PCDH12: variants seen among roughly 807,000 people sequenced by gnomAD.
PCDH12 encodes protocadherin-12.
In PCDH12, 45 loss-of-function variants were observed where a neutral mutation model predicts 70.9. The observed-to-expected ratio is 0.63, with a 90% CI of 0.50 to 0.81. The LOEUF (loss-of-function observed/expected upper bound fraction) is 0.81. Among genes scored for constraint, PCDH12 ranks in the 40% least tolerant of loss-of-function variants. The pLI, the probability that PCDH12 is intolerant of heterozygous loss-of-function variation, is 0.00. For synonymous variants in PCDH12, 567 were observed against 626.0 expected (o/e 0.91, Z 1.41); for missense variants, 1,370 against 1,491.7 (o/e 0.92, Z 1.34).
rs781645827 is a variant in PCDH12, at chr5:141,957,462, G to A, written c.390C>T (p.Asp130=). ...CGCCTTTGGGAAACCGTGGCTGGTGGTCATTGATGTCCAGCACTTGGATCT... is the reference window on the plus strand; with the variant it reads ...CGCCTTTGGGAAACCGTGGCTGGTGATCATTGATGTCCAGCACTTGGATCT... ...HVEIQVLDIN[D]HQPRFPKGEQ... The change falls in exon 1 of 4, where the codon GAC becomes GAT. Residue 130 remains aspartate (D), a synonymous_variant. Coordinates refer to ENST00000231484, the MANE Select transcript of PCDH12 (RefSeq NM_016580.4). The surrounding 1 kb of genome is among the most constrained non-coding windows in gnomAD (Gnocchi z 4.3). The A allele has an allele frequency of 3.7e-6, 6 of 1,612,534 alleles. No individual in the cohort carries two copies. Among genetic ancestry groups the A allele is most frequent in the Non-Finnish European group, 5.1e-6 (6 of 1,179,324 alleles).
chr5:141,947,450 C>T (rs535382399), intron 3 of PCDH12, among the ~76,000 whole-genome samples: 4 of 152,246 alleles, frequency 2.6e-5, no homozygotes, highest in African/African-American at 4.8e-5. Flanking sequence ...ATCACTGGGG[C>T]GTATGAGAAC....
Position 141,956,049 on chromosome 5 carries a change from C to T in PCDH12, c.1803G>A (p.Ala601=), listed in dbSNP as rs769053658. The T allele has an allele frequency of 1.9e-5, 30 of 1,613,956 alleles. No individual in the cohort carries two copies. The highest frequency in any genetic ancestry group is 1.3e-4 in the East Asian group (6 of 44,888). ...TGGCCAGTGGAGGTGTGTCAGTGCC[C>T]GCTGGGCCCAAGCCATTGGGAGTCT... is the stretch of plus-strand genomic sequence containing the variant. ...PIETPNGLGP[A]GTDTPPLATH... is the part of the protein sequence containing the mutation. Residue 601 remains alanine, a synonymous_variant, in exon 1 of 4, where the codon GCG becomes GCA. Coordinates refer to ENST00000231484, the MANE Select transcript of PCDH12 (RefSeq NM_016580.4).
intron 2 of PCDH12, among the ~76,000 whole-genome samples, chr5:141,951,004 A>G (rs1753070029): frequency 6.6e-6 from 1 of 152,218 alleles, no homozygotes; most frequent in Admixed American, 6.5e-5. Flanking sequence ...CAAGCTACTC[A>G]GAGCCTCAGT....
intron 1 of PCDH12, among the ~76,000 whole-genome samples, chr5:141,953,971 A>G (rs530519687): frequency 6.6e-6 from 1 of 152,360 alleles, no homozygotes; most frequent in African/African-American, 2.4e-5. Context: ...GTGTGAGATC[A>G]GGCATCATCC....
chr5:141,945,257 G>T lies in PCDH12; in HGVS notation c.*124C>A. On this transcript the variant is annotated 3_prime_UTR_variant, in exon 4 of 4. Coordinates refer to ENST00000231484, the MANE Select transcript of PCDH12 (RefSeq NM_016580.4). ...GGCTCTTGCCTCCTCTGTGGGGGTA[G>T]CATCAGTCACCCTAAAGTTCTCAGG... The T allele has an allele frequency of 8.6e-7, 1 of 1,165,044 alleles. No homozygotes were observed. 72.2% of individuals were successfully genotyped at this position (1,165,044 alleles called of 1,614,324 possible). A position where few individuals can be genotyped will look rare whatever the true frequency, so the allele number is the denominator to read the frequency against.
Position 141,956,620 on chromosome 5 carries a change from A to C in PCDH12, c.1232T>G (p.Met411Arg). ...RLKRTNGNTY[M>R]LLTNATLDRE... ...GTCCAGTGTGGCATTGGTTAGCAAC[A>C]TGTATGTGTTGCCATTAGTTCTTTT... The change falls in exon 1 of 4, where the codon ATG (methionine) becomes AGG (arginine). Residue 411 changes from methionine (M) to arginine (R), a missense_variant. Met to Arg is a moderately conservative substitution (Grantham distance 91, BLOSUM62 -1). Coordinates refer to ENST00000231484, the MANE Select transcript of PCDH12 (RefSeq NM_016580.4). The C allele has an allele frequency of 6.2e-7, 1 of 1,614,218 alleles. No homozygotes were observed. The highest frequency in any genetic ancestry group is 1.1e-5 in the South Asian group (1 of 91,082).
intron 1 of PCDH12, among the ~76,000 whole-genome samples, chr5:141,953,700 C>T (rs1468849329): frequency 2.0e-5 from 3 of 152,242 alleles, no homozygotes; most frequent in Non-Finnish European, 4.4e-5. Flanking sequence ...ATCCAAAAAG[C>T]ACCTGATAAA....
chr5:141,957,956 C>A lies in PCDH12; in HGVS notation c.-105G>T. 2 of 1,332,424 alleles carry A rather than the reference C, an allele frequency of 1.5e-6. No homozygotes were observed. The highest frequency in any genetic ancestry group is 1.4e-5 in the South Asian group (1 of 70,522). 82.5% of individuals were successfully genotyped at this position (1,332,424 alleles called of 1,614,324 possible). On this transcript the variant is annotated 5_prime_UTR_variant, in exon 1 of 4. The change creates a premature stop within an existing upstream ORF in the 5' untranslated region. Transcript: ENST00000231484. This position sits in a 1 kb window ranked among gnomAD's most constrained non-coding sequence, Gnocchi z 4.3. ...GGCTTGATCAGCCCCGTGCTCCTTC[C>A]CCCAGAGCTGCCGGCACAACCTTGT...
At chr5:141,948,883 A>G (rs539913892) in intron 3 of PCDH12, among the ~76,000 whole-genome samples, 3 of 152,250 alleles carry the variant, frequency 2.0e-5, no homozygotes, top group Non-Finnish European at 4.4e-5. Context: ...CTATTTTTAC[A>G]ATGATTTTTA....
rs761880492 is a variant in PCDH12, at chr5:141,955,708, G to A, written c.2144C>T (p.Ser715Leu). ...SARKPGALSMSMLTVICLAVL... is the reference protein window; with the variant it reads ...SARKPGALSMLMLTVICLAVL... ...AGCCAGGCAGATCACCGTCAGCATC[G>A]ACATGCTCAAGGCCCCAGGCTTGCG... is the stretch of plus-strand genomic sequence containing the variant. Residue 715 changes from serine to leucine, a missense_variant, in exon 1 of 4, where the codon TCG (serine) becomes TTG (leucine). Transcript: ENST00000231484. The surrounding 1 kb of genome is among the most constrained non-coding windows in gnomAD (Gnocchi z 5.5). 36 of 1,613,976 alleles carry A rather than the reference G, an allele frequency of 2.2e-5. No individual in the cohort carries two copies. Among genetic ancestry groups the A allele is most frequent in the African/African-American group, 9.3e-5 (7 of 74,888 alleles).
Position 141,956,420 on chromosome 5 carries a change from G to A in PCDH12, c.1432C>T (p.His478Tyr). The change falls in exon 1 of 4, where the codon CAC (histidine) becomes TAC (tyrosine). Residue 478 changes from histidine to tyrosine, a missense_variant. By Grantham distance (83) the His-to-Tyr change is moderately conservative (BLOSUM62 2). Coordinates refer to ENST00000231484, the MANE Select transcript of PCDH12 (RefSeq NM_016580.4). ...STRENNLPSL[H>Y]LITIKAHDAD... ...TCATGAGCCTTGATGGTAATGAGGTGAAGAGAGGGTAAGTTGTTTTCCCGC... is the reference window on the plus strand; with the variant it reads ...TCATGAGCCTTGATGGTAATGAGGTAAAGAGAGGGTAAGTTGTTTTCCCGC... 6.2e-7 allele frequency: 1 copy of A among 1,614,240 alleles called. No homozygotes were observed. The highest frequency in any genetic ancestry group is 8.5e-7 in the Non-Finnish European group (1 of 1,180,046).
rs1753217964 is a variant in PCDH12, at chr5:141,958,079, A to G, written c.-228T>C. 1 of 565,070 alleles carries G rather than the reference A, an allele frequency of 1.8e-6. No individual in the cohort carries two copies. Among genetic ancestry groups the G allele is most frequent in the Non-Finnish European group, 3.1e-6 (1 of 323,352 alleles). The allele number at this position is 565,070 out of a possible 1,614,324, so 35.0% of individuals were successfully genotyped here. A position where few individuals can be genotyped will look rare whatever the true frequency, so the allele number is the denominator to read the frequency against. ...GTCCAAACGCCGATCAAGAATTGCC[A>G]GGGGAGACCCCCTACTGGGGAACTA... On this transcript the variant is annotated 5_prime_UTR_variant, in exon 1 of 4. Coordinates refer to ENST00000231484, the MANE Select transcript of PCDH12 (RefSeq NM_016580.4).
In PCDH12 at chr5:141,956,224, G is replaced by T. The variant is rs1246855286; in HGVS notation, c.1628C>A (p.Pro543His). ...FQVIAEDSGQ[P>H]MLASSVSVWV... ...CACAGAGACACTGGATGCAAGCATG[G>T]GTTGCCCGCTGTCCTCTGCGATCAC... The change falls in exon 1 of 4, where the codon CCC (proline) becomes CAC (histidine). Residue 543 changes from proline to histidine, a missense_variant. Physicochemically the swap from Pro to His is moderately conservative, Grantham distance 77. Transcript: ENST00000231484. 1.2e-6 allele frequency: 2 copies of T among 1,614,182 alleles called. No homozygotes were observed. Among genetic ancestry groups the T allele is most frequent in the Non-Finnish European group, 1.7e-6 (2 of 1,180,028 alleles).
intron 2 of PCDH12, among the ~76,000 whole-genome samples, chr5:141,949,941 C>T (rs995144643): frequency 6.6e-6 from 1 of 152,190 alleles, no homozygotes; most frequent in Non-Finnish European, 1.5e-5. Flanking sequence ...TAGGTATTGC[C>T]TGGCACACAG....
chr5:141,947,918 G>T lies in PCDH12; in HGVS notation c.3130+1514C>A, dbSNP rs146480964. 2.1e-3 allele frequency among the ~76,000 whole-genome samples: 323 copies of T among 152,240 alleles called. 1 individual carries two copies. Among genetic ancestry groups the T allele is most frequent in the African/African-American group, 7.4e-3 (308 of 41,522 alleles). On this transcript the variant is annotated intron_variant, in intron 3 of 3. Transcript: ENST00000231484. ...GCTGTGGGCAAGCAGGACCGTGTGGGAACTGACCCCACAGGTTCCAGCCAG... is the reference window on the plus strand; with the variant it reads ...GCTGTGGGCAAGCAGGACCGTGTGGTAACTGACCCCACAGGTTCCAGCCAG...
chr5:141,955,416 C>T lies in PCDH12; in HGVS notation c.2436G>A (p.Leu812=), dbSNP rs1177775212. The part of the protein sequence containing the change: ...AMMEAGWDPC[L]QAPFHLTPTL... ...TCGGGGTGAGGTGGAAGGGGGCCTGCAGGCAGGGGTCCCAGCCTGCTTCCA... is the reference window on the plus strand; with the variant it reads ...TCGGGGTGAGGTGGAAGGGGGCCTGTAGGCAGGGGTCCCAGCCTGCTTCCA... The change falls in exon 1 of 4, where the codon CTG becomes CTA. Residue 812 remains leucine, a synonymous_variant. Coordinates refer to ENST00000231484, the MANE Select transcript of PCDH12 (RefSeq NM_016580.4). The surrounding 1 kb of genome is among the most constrained non-coding windows in gnomAD (Gnocchi z 5.5). 6 of 1,613,990 alleles carry T rather than the reference C, an allele frequency of 3.7e-6. No homozygotes were observed. Among genetic ancestry groups the T allele is most frequent in the Admixed American group, 1.7e-5 (1 of 60,030 alleles).
chr5:141,950,218 C>G (rs980532580), intron 2 of PCDH12, among the ~76,000 whole-genome samples: 2 of 152,144 alleles, frequency 1.3e-5, no homozygotes, highest in African/African-American at 4.8e-5. Flanking sequence ...ACCCCAGTCT[C>G]CTGCTGTCTC....
chr5:141,946,923 C>T (rs564366028), intron 3 of PCDH12, among the ~76,000 whole-genome samples: 8 of 148,180 alleles, frequency 5.4e-5, no homozygotes, highest in Non-Finnish European at 1.0e-4. Context: ...AAAAAAAGCA[C>T]AACATCTACT....
In PCDH12 at chr5:141,957,322, C is replaced by A; in HGVS notation, c.530G>T (p.Ser177Ile). 6.2e-7 allele frequency: 1 copy of A among 1,613,246 alleles called. No individual in the cohort carries two copies. The highest frequency in any genetic ancestry group is 8.5e-7 in the Non-Finnish European group (1 of 1,179,562). ...AATGACATCCAAGGCAAAGTGCTCA[C>A]TGGGAGACAGAGTGTAGGTGTGCAG... ...NTLHTYTLSP[S>I]EHFALDVIVG... The change falls in exon 1 of 4, where the codon AGT (serine) becomes ATT (isoleucine). Residue 177 changes from serine to isoleucine, a missense_variant. Physicochemically the swap from Ser to Ile is moderately radical, Grantham distance 142 (BLOSUM62 -2). Coordinates refer to ENST00000231484, the MANE Select transcript of PCDH12 (RefSeq NM_016580.4). The surrounding 1 kb of genome is among the most constrained non-coding windows in gnomAD (Gnocchi z 4.3).
Sources: gnomAD v4.1 joint callset for allele counts (sites outside exome capture counted in the v4.1 genomes callset) on GRCh38, gnomAD v4.1.1 for gene constraint, Gnocchi (gnomAD v3.1) non-coding constraint, MANE v1.5 for transcripts, NCBI Gene and HGNC (gene_info 2026-07-23, HGNC 2026-07-21) for gene names.